Variants in USP8 observed in about 807,000 individuals in gnomAD.
USP8 encodes ubiquitin specific peptidase 8.
A neutral mutation model predicts 130.0 loss-of-function variants in USP8; 27 were observed. The ratio of observed to expected loss-of-function variants is 0.21; its 90% CI spans 0.15 to 0.29. The LOEUF is 0.29. Ranked by LOEUF, USP8 falls within the 10% of genes least tolerant of loss-of-function variation. USP8 has a pLI of 1.00. For synonymous variants in USP8, 392 were observed against 444.1 expected (o/e 0.88, Z 1.48); for missense variants, 1,029 against 1,312.2 (o/e 0.78, Z 3.33).
chr15:50,496,412 C>T (rs556632609), intron 17 of USP8, among the ~76,000 whole-genome samples: 15 of 144,688 alleles, frequency 1.0e-4, no homozygotes, highest in Admixed American at 6.5e-4. Flanking sequence ...ACCCTGGAGG[C>T]GGAGTTTACA....
At chr15:50,487,876 G>T (rs2052020586) in intron 12 of USP8, among the ~76,000 whole-genome samples, 1 of 152,126 alleles carries the variant, frequency 6.6e-6, no homozygotes, top group Admixed American at 6.5e-5. Context: ...AATCCCTAAG[G>T]TCATAATCAG....
At chr15:50,473,490 GTTTTAA>G (rs2051451104) in intron 8 of USP8, among the ~76,000 whole-genome samples, 2 of 152,010 alleles carry the variant, frequency 1.3e-5, no homozygotes, top group South Asian at 2.1e-4. Context: ...AAATTTATTT[GTTTTAA>G]TTTTAATTTT....
rs1200930344 is a variant in USP8, at chr15:50,513,109, A to G, written c.*14021A>G. On this transcript the variant is annotated 3_prime_UTR_variant, in exon 20 of 20. Coordinates refer to ENST00000307179, the MANE Select transcript of USP8 (RefSeq NM_005154.5). The stretch of plus-strand genomic sequence containing the variant: ...TTGTATCCATTAGATGGCAAAAATT[A>G]AGAAGTCTGATGATCCTGGTAGGGG... 6.6e-6 allele frequency: 1 copy of G among 152,218 alleles called. No individual in the cohort carries two copies. Among genetic ancestry groups the G allele is most frequent in the African/African-American group, 2.4e-5 (1 of 41,466 alleles). The allele number at this position is 152,218 out of a possible 1,614,324, so 9.4% of individuals were successfully genotyped here. A position where few individuals can be genotyped will look rare whatever the true frequency, so the allele number is the denominator to read the frequency against.
In USP8 at chr15:50,468,494, C is replaced by T. The variant is rs376310192; in HGVS notation, c.687-3139C>T. 3.4e-5 allele frequency among the ~76,000 whole-genome samples: 5 copies of T among 147,644 alleles called. No individual in the cohort carries two copies. The South Asian group carries it at 6.5e-4, about 19-fold the overall frequency. On this transcript the variant is annotated intron_variant, in intron 7 of 19. Transcript: ENST00000307179. ...CTGGCCTCAAGTGATCCACCGGCAT[C>T]GGCTTCCCAAAGTGCTGGGATTACA...
chr15:50,473,304 T>A (rs2051443395), intron 8 of USP8, among the ~76,000 whole-genome samples: 1 of 152,202 alleles, frequency 6.6e-6, no homozygotes, highest in African/African-American at 2.4e-5. Flanking sequence ...GCATATAAAC[T>A]ACACATATTC....
chr15:50,471,564 G>C, intron 7 of USP8, 69 bp from the exon 8 acceptor site: 1 of 1,533,308 alleles, frequency 6.5e-7, no homozygotes, highest in Non-Finnish European at 8.8e-7. Context: ...ACAAAACTGA[G>C]TGTCTTCTGT....
intron 4 of USP8, among the ~76,000 whole-genome samples, chr15:50,454,586 G>C (rs1274779834): frequency 6.6e-6 from 1 of 151,160 alleles, no homozygotes; most frequent in Non-Finnish European, 1.5e-5. Context: ...CTCCCAAGTA[G>C]CTGGTACTAC....
intron 4 of USP8, among the ~76,000 whole-genome samples, chr15:50,457,826 A>C (rs1287103782): frequency 6.8e-6 from 1 of 147,896 alleles, no homozygotes; most frequent in Non-Finnish European, 1.5e-5. Flanking sequence ...ATGCCAGTGC[A>C]CTCCAGCCTG....
At chr15:50,487,452 A>G (rs993373522) in intron 12 of USP8, among the ~76,000 whole-genome samples, 1 of 152,192 alleles carries the variant, frequency 6.6e-6, no homozygotes, top group African/African-American at 2.4e-5. Flanking sequence ...TAGGGATTAG[A>G]TGACTGGAAC....
intron 5 of USP8, among the ~76,000 whole-genome samples, chr15:50,461,851 CAAAA>C (rs35159499): frequency 8.3e-6 from 1 of 120,546 alleles, no homozygotes; most frequent in Non-Finnish European, 1.8e-5. Flanking sequence ...GACTCCGTCT[CAAAA>C]AAAAAAAAAA....
At chr15:50,440,749 T>C (rs1158613588) in intron 2 of USP8, among the ~76,000 whole-genome samples, 1 of 152,050 alleles carries the variant, frequency 6.6e-6, no homozygotes, top group Non-Finnish European at 1.5e-5. Context: ...ATGCCTGTAA[T>C]CCGAGCACTT....
chr15:50,490,208 A>G, intron 13 of USP8, 55 bp from the exon 14 acceptor site: 2 of 1,515,854 alleles, frequency 1.3e-6, no homozygotes, highest in South Asian at 1.2e-5. Flanking sequence ...TTCTTTGTTT[A>G]TATAATGCTT....
chr15:50,429,464 G>T (rs1303967324), intron 1 of USP8, among the ~76,000 whole-genome samples: 1 of 152,104 alleles, frequency 6.6e-6, no homozygotes, highest in East Asian at 1.9e-4. Flanking sequence ...GCTCCTAGCA[G>T]CATGTTTATA....
intron 1 of USP8, among the ~76,000 whole-genome samples, chr15:50,425,572 TG>T (rs2049685586): frequency 6.6e-6 from 1 of 152,198 alleles, no homozygotes; most frequent in African/African-American, 2.4e-5. Flanking sequence ...GTCTTTATCA[TG>T]TTGATATGGC....
chr15:50,500,857 C>A lies in USP8; in HGVS notation c.*1769C>A. On this transcript the variant is annotated 3_prime_UTR_variant, in exon 20 of 20. Coordinates refer to ENST00000307179, the MANE Select transcript of USP8 (RefSeq NM_005154.5). Reference sequence around the variant, plus strand: ...ATGGTTCTATGGGAGAAAGGAATGTCAAACTTAGTATTCACATATGAACAC... The same window carrying A: ...ATGGTTCTATGGGAGAAAGGAATGTAAAACTTAGTATTCACATATGAACAC... The A allele has an allele frequency of 6.4e-7, 1 of 1,562,210 alleles. No homozygotes were observed. Among genetic ancestry groups the A allele is most frequent in the South Asian group, 1.2e-5 (1 of 84,838 alleles).
intron 3 of USP8, 121 bp downstream of exon 3, chr15:50,441,614 A>C (rs2050263193): frequency 4.2e-4 from 327 of 778,896 alleles, no homozygotes; most frequent in Middle Eastern, 1.6e-3. Flanking sequence ...GCATGATCTC[A>C]TGTAGATAGA....
intron 3 of USP8, chr15:50,444,449 G>A (rs1282517486): frequency 2.0e-5 from 3 of 151,000 alleles, no homozygotes; most frequent in African/African-American, 7.3e-5. Context: ...GCTTTATTTT[G>A]GAAGTTAATA....
chr15:50,493,060 T>C, intron 15 of USP8, 147 bp downstream of exon 15: 1 of 873,282 alleles, frequency 1.1e-6, no homozygotes, highest in Admixed American at 2.0e-5. Flanking sequence ...TTTCTCTTAG[T>C]TCTTGACTGG....
Position 50,511,848 on chromosome 15 carries a change from A to T in USP8, c.*12760A>T, listed in dbSNP as rs2052742022. 6.6e-6 allele frequency: 1 copy of T among 151,918 alleles called. No homozygotes were observed. Among genetic ancestry groups the T allele is most frequent in the South Asian group, 2.1e-4 (1 of 4,814 alleles). 9.4% of individuals were successfully genotyped at this position (151,918 alleles called of 1,614,324 possible). On this transcript the variant is annotated 3_prime_UTR_variant, in exon 20 of 20. Coordinates refer to ENST00000307179, the MANE Select transcript of USP8 (RefSeq NM_005154.5). ...CCCATCTCAACCAAAATACACAAAA[A>T]TTATTGGGGCATGGTGGTGCACACC...
Sources: gnomAD v4.1 joint callset for allele counts (sites outside exome capture counted in the v4.1 genomes callset) on GRCh38, gnomAD v4.1.1 for gene constraint, MANE v1.5 for transcripts, NCBI Gene and HGNC (gene_info 2026-07-23, HGNC 2026-07-21) for gene names.